Variants in LTBP1 observed in about 807,000 individuals in gnomAD.
LTBP1 encodes latent-transforming growth factor beta-binding protein 1.
Under a neutral mutation model 207.6 loss-of-function variants are expected in LTBP1, and 129 were observed. The observed-to-expected ratio is 0.62, with a 90% confidence interval of 0.54 to 0.72. The LOEUF (loss-of-function observed/expected upper bound fraction) is 0.72, where lower values mean the gene tolerates loss of function less well. LTBP1 is among the 30% of genes least tolerant of loss of function. The probability of loss-of-function intolerance (pLI) is 0.00; values close to 1 mark genes in which losing one functional copy is unlikely to be tolerated. For missense variants in LTBP1, 2,281 were observed against 2,217.2 expected, an observed-to-expected ratio of 1.03 and a Z score of -0.58; for synonymous variants, 963 against 833.7, an observed-to-expected ratio of 1.16 and a Z score of -2.67.
At chr2:33,168,439 G>A (rs2085128263) in intron 5 of LTBP1, among the ~76,000 whole-genome samples, 2 of 151,196 alleles carry the variant, frequency 1.3e-5, no homozygotes, top group Admixed American at 1.3e-4. Context: ...AAAAGAAAAT[G>A]GGTGTTGTGT....
At chr2:33,326,122 C>T (rs796436374) in intron 24 of LTBP1, among the ~76,000 whole-genome samples, 2 of 151,578 alleles carry the variant, frequency 1.3e-5, no homozygotes, top group South Asian at 2.1e-4. Flanking sequence ...ATATATACTA[C>T]TTTTCAGTCT....
rs746946453 is a variant in LTBP1 at position 32,948,908 on chromosome 2, C to T, written c.528C>T (p.Gly176=). Residue 176 remains glycine (G), a synonymous_variant, in exon 2 of 34, where the codon GGC becomes GGT. Transcript: ENST00000404816. ...VNVCGGRCCH[G]WSKAPGSQRC... is the part of the protein sequence containing the mutation. ...TCTGTGGAGGGCGGTGCTGTCATGG[C>T]TGGAGTAAGGCCCCTGGCTCCCAGA... is the stretch of plus-strand genomic sequence containing the variant. 60 of 1,614,060 alleles carry T rather than the reference C, an allele frequency of 3.7e-5. No homozygotes were observed. Among genetic ancestry groups the T allele is most frequent in the Non-Finnish European group, 5.0e-5 (59 of 1,180,042 alleles).
intron 26 of LTBP1, among the ~76,000 whole-genome samples, chr2:33,349,353 A>G (rs2149796572): frequency 6.6e-6 from 1 of 152,190 alleles, no homozygotes; most frequent in African/African-American, 2.4e-5. Flanking sequence ...AGGCATGGGA[A>G]TCGCTTGAAC....
At chr2:33,053,964 C>A (rs2076867840) in intron 3 of LTBP1, among the ~76,000 whole-genome samples, 1 of 152,188 alleles carries the variant, frequency 6.6e-6, no homozygotes, top group African/African-American at 2.4e-5. Flanking sequence ...CAGGTGAGGG[C>A]TATCCCTAAA....
At chr2:33,314,583 T>C (rs72799742) in intron 23 of LTBP1, among the ~76,000 whole-genome samples, 381 of 152,334 alleles carry the variant, frequency 2.5e-3, no homozygotes, top group Non-Finnish European at 4.6e-3. Context: ...TACTTGTATT[T>C]TATTTCTATT....
At chr2:33,142,218 A>C (rs961566446) in intron 5 of LTBP1, among the ~76,000 whole-genome samples, 28 of 148,504 alleles carry the variant, frequency 1.9e-4, no homozygotes, top group Admixed American at 1.7e-3. Context: ...CGCCCGGCTA[A>C]TTTTTTTTTT....
At chr2:33,079,759 C>T (rs547343399) in intron 3 of LTBP1, among the ~76,000 whole-genome samples, 2 of 152,288 alleles carry the variant, frequency 1.3e-5, no homozygotes, top group East Asian at 3.9e-4. Flanking sequence ...CAGCCTCCCA[C>T]CTCCTTTCTG....
At chr2:33,142,277 G>A (rs898802330) in intron 5 of LTBP1, among the ~76,000 whole-genome samples, 32 of 151,896 alleles carry the variant, frequency 2.1e-4, no homozygotes, top group African/African-American at 7.0e-4. Context: ...GGATGGTCTC[G>A]ATCTCCTGAT....
chr2:33,127,993 A>G (rs949055108), intron 4 of LTBP1, among the ~76,000 whole-genome samples: 1 of 152,066 alleles, frequency 6.6e-6, no homozygotes, highest in Admixed American at 6.6e-5. Context: ...AGGGAGTTTG[A>G]TTTTGTCAGA....
rs2093365903 is a variant in LTBP1 at position 33,273,666 on chromosome 2, A to G, written c.2628A>G (p.Glu876=). 2.5e-6 allele frequency: 4 copies of G among 1,604,200 alleles called. No individual in the cohort carries two copies. The highest frequency in any genetic ancestry group is 1.1e-5 in the South Asian group (1 of 88,802). ...TATTTACTTTTAAAGAAATCAATGA[A>G]TGTACTGTGAACCCTGATATCTGTG... The part of the protein sequence containing the change: ...IAPTQVTEIN[E]CTVNPDICGA... The change falls in exon 16 of 34, where the codon GAA becomes GAG. Residue 876 remains glutamate, a synonymous_variant. Transcript: ENST00000404816.
At chr2:33,226,979 A>G (rs1367640966) in intron 9 of LTBP1, among the ~76,000 whole-genome samples, 1 of 151,708 alleles carries the variant, frequency 6.6e-6, no homozygotes, top group Non-Finnish European at 1.5e-5. Context: ...CCCTTTTCTT[A>G]GAATTCCATT....
At chr2:33,301,312 A>G (rs1273488927) in intron 21 of LTBP1, among the ~76,000 whole-genome samples, 2 of 152,194 alleles carry the variant, frequency 1.3e-5, no homozygotes, top group Admixed American at 6.5e-5. Context: ...ATTGTTTCAT[A>G]AATAAACAAT....
At chr2:33,083,605 C>T (rs1355472472) in intron 3 of LTBP1, among the ~76,000 whole-genome samples, 3 of 152,146 alleles carry the variant, frequency 2.0e-5, no homozygotes, top group South Asian at 2.1e-4. Context: ...TCTGGTGCTG[C>T]AGTAGGTCCT....
At chr2:33,217,461 G>T in intron 7 of LTBP1, 91 bp from the exon 8 acceptor site, 3 of 804,948 alleles carry the variant, frequency 3.7e-6, no homozygotes, top group South Asian at 1.5e-5. Context: ...AAGGGAACTG[G>T]TTTATAGCGT....
intron 20 of LTBP1, 113 bp downstream of exon 20, chr2:33,293,395 G>A (rs2093813241): frequency 1.0e-5 from 11 of 1,051,892 alleles, no homozygotes; most frequent in Non-Finnish European, 1.2e-5. Context: ...TTGACCGAGC[G>A]ACTTAGAGCA....
chr2:33,169,955 C>T (rs534126800), intron 5 of LTBP1, among the ~76,000 whole-genome samples: 2 of 152,284 alleles, frequency 1.3e-5, no homozygotes, highest in East Asian at 3.9e-4. Context: ...AAAATATTCA[C>T]AGCTCAGAAG....
At chr2:33,051,013 G>A (rs1405827949) in intron 3 of LTBP1, among the ~76,000 whole-genome samples, 5 of 152,064 alleles carry the variant, frequency 3.3e-5, no homozygotes, top group African/African-American at 4.8e-5. Flanking sequence ...GTGAGCCACC[G>A]CGCCCGGCCT....
intron 7 of LTBP1, among the ~76,000 whole-genome samples, chr2:33,189,792 G>A (rs533419066): frequency 5.3e-5 from 8 of 152,204 alleles, no homozygotes; most frequent in South Asian, 2.1e-4. Context: ...TTGGGAGGCC[G>A]AGGCAGGTGG....
chr2:33,047,900 G>A (rs1359898927), intron 3 of LTBP1, among the ~76,000 whole-genome samples: 1 of 151,504 alleles, frequency 6.6e-6, no homozygotes, highest in Non-Finnish European at 1.5e-5. Flanking sequence ...ATCTTTGTTG[G>A]CTTAAAGTCT....
Sources: gnomAD v4.1 joint callset for allele counts (sites outside exome capture counted in the v4.1 genomes callset) on GRCh38, gnomAD v4.1.1 for gene constraint, MANE v1.5 for transcripts, NCBI Gene and HGNC (gene_info 2026-07-23, HGNC 2026-07-21) for gene names.